Variants in EPB41L3 observed in about 807,000 individuals in gnomAD.
The protein encoded by EPB41L3 is erythrocyte membrane protein band 4.1 like 3, also known as band 4.1-like protein 3.
Under a neutral mutation model 127.1 loss-of-function variants are expected in EPB41L3, and 57 were observed. The observed-to-expected ratio is 0.45, with a 90% CI of 0.36 to 0.56. The LOEUF is 0.56. EPB41L3 is among the 20% of genes least tolerant of loss of function. The pLI is 0.00. For missense variants in EPB41L3, 1,273 were observed against 1,372.2 expected (o/e 0.93, Z 1.14); for synonymous variants, 572 against 549.5 (o/e 1.04, Z -0.57).
intron 16 of EPB41L3, chr18:5,399,191 G>C (rs1296254221): frequency 1.0e-5 from 4 of 399,002 alleles, no homozygotes; most frequent in Middle Eastern, 6.3e-4. Flanking sequence ...TCTGTTTGCT[G>C]TCTTCTTTCA....
At chr18:5,548,448 A>G (rs1435959702), upstream of EPB41L3, among the ~76,000 whole-genome samples, 3 of 152,366 alleles carry the variant, frequency 2.0e-5, no homozygotes, top group South Asian at 6.2e-4. Flanking sequence ...AAAAGTATAC[A>G]TAAGATGGAG....
intron 1 of EPB41L3, among the ~76,000 whole-genome samples, chr18:5,499,829 G>GTGTATATATATATATATATATATATA (rs563662904): frequency 8.0e-6 from 1 of 124,612 alleles, no homozygotes; most frequent in African/African-American, 3.1e-5. Flanking sequence ...CTATGTGTGT[G>GTGTATATATATATATATATATATATA]TATATATATA....
intron 1 of EPB41L3, among the ~76,000 whole-genome samples, chr18:5,504,584 T>C (rs1011641070): frequency 6.6e-6 from 1 of 152,158 alleles, no homozygotes; most frequent in Non-Finnish European, 1.5e-5. Flanking sequence ...TGAGAAACAC[T>C]GGTTGGAAAA....
At chr18:5,438,145 G>C in intron 5 of EPB41L3, 35 bp from the exon 6 acceptor site, 2 of 1,597,308 alleles carry the variant, frequency 1.3e-6, no homozygotes, top group Non-Finnish European at 1.7e-6. Flanking sequence ...GTAAAACCTT[G>C]AGAAATTCTT....
At chr18:5,439,661 C>T (rs920234523) in intron 5 of EPB41L3, among the ~76,000 whole-genome samples, 1 of 152,156 alleles carries the variant, frequency 6.6e-6, no homozygotes, top group Non-Finnish European at 1.5e-5. Flanking sequence ...ATCTGTCAGT[C>T]AAACACATTT....
chr18:5,547,230 A>G (rs796522494), upstream of EPB41L3, among the ~76,000 whole-genome samples: 2 of 152,256 alleles, frequency 1.3e-5, no homozygotes, highest in African/African-American at 4.8e-5. Context: ...CCCTCTCACT[A>G]CCAAAAATAA....
chr18:5,610,614 C>T (rs2094714768), intron 3 of EPB41L3, among the ~76,000 whole-genome samples: 1 of 152,068 alleles, frequency 6.6e-6, no homozygotes, highest in Non-Finnish European at 1.5e-5. Context: ...CTTAGGCTGA[C>T]TCAAAATAAT....
intron 1 of EPB41L3, among the ~76,000 whole-genome samples, chr18:5,618,091 C>T (rs984938358): frequency 3.3e-5 from 5 of 152,174 alleles, no homozygotes; most frequent in Admixed American, 3.3e-4. Flanking sequence ...TTAATCTCTT[C>T]TCTCCGGGCA....
In EPB41L3 at chr18:5,543,784, C is replaced by T; in HGVS notation, c.-12+129G>A. ...GCGGGGCTCGGGATTCGGGAGACCG[C>T]GCGGCGCCGAAGCCACGCGTCAGCC... On this transcript the variant is annotated intron_variant, in intron 1 of 22. Transcript: ENST00000341928. The surrounding 1 kb of genome is among the most constrained non-coding windows in gnomAD (Gnocchi z 5.2). 1 of 746,212 alleles carries T rather than the reference C, an allele frequency of 1.3e-6. No individual in the cohort carries two copies. 46.2% of individuals were successfully genotyped at this position (746,212 alleles called of 1,614,324 possible). A position where few individuals can be genotyped will look rare whatever the true frequency, so the allele number is the denominator to read the frequency against.
intron 16 of EPB41L3, chr18:5,401,073 A>T (rs2074420464): frequency 2.1e-6 from 3 of 1,439,728 alleles, no homozygotes; most frequent in Non-Finnish European, 2.8e-6. Flanking sequence ...TGGGTTGGAG[A>T]AGAGGAAGTA....
intron 3 of EPB41L3, among the ~76,000 whole-genome samples, chr18:5,554,001 C>T (rs997482780): frequency 2.0e-5 from 3 of 152,208 alleles, no homozygotes; most frequent in Non-Finnish European, 4.4e-5. Context: ...GCACTCTCAC[C>T]GTCAGCTTTG....
intron 1 of EPB41L3, among the ~76,000 whole-genome samples, chr18:5,511,584 G>A (rs942527102): frequency 6.6e-6 from 1 of 151,752 alleles, no homozygotes; most frequent in Admixed American, 6.6e-5. Context: ...GCTTTTTAGG[G>A]TCTCTTATTT....
intron 3 of EPB41L3, among the ~76,000 whole-genome samples, chr18:5,580,912 T>C (rs1719933): frequency 0.38 from 58,180 of 152,090 alleles, 12,210 homozygotes; most frequent in Non-Finnish European, 0.47. Flanking sequence ...CCAGCATTTG[T>C]GTTTGCAGCA....
intron 3 of EPB41L3, among the ~76,000 whole-genome samples, chr18:5,573,354 TTTAAAAAA>T (rs2094303511): frequency 6.6e-6 from 1 of 152,178 alleles, no homozygotes; most frequent in African/African-American, 2.4e-5. Context: ...CATGAGGAAT[TTTAAAAAA>T]TTGCCTTGGC....
Position 5,416,225 on chromosome 18 carries a change from G to A in EPB41L3, c.1660C>T (p.Pro554Ser), listed in dbSNP as rs768620034. 6.2e-6 allele frequency: 10 copies of A among 1,614,134 alleles called. No individual in the cohort carries two copies. The highest frequency in any genetic ancestry group is 8.5e-6 in the Non-Finnish European group (10 of 1,180,028). The change falls in exon 13 of 23, where the codon CCC (proline) becomes TCC (serine). Residue 554 changes from proline to serine, a missense_variant. By Grantham distance (74) the Pro-to-Ser change is moderately conservative (BLOSUM62 -1). Transcript: ENST00000341928. ...CCTGGGCCATCAGAGTCCAAGGCGG[G>A]CTCTCCAGGCAGGTGCTCAGCTCTG... The part of the protein sequence containing the change: ...PSRAEHLPGE[P>S]ALDSDGPGRP...
At chr18:5,629,523 G>C (rs756129212), upstream of EPB41L3, among the ~76,000 whole-genome samples, 5 of 152,274 alleles carry the variant, frequency 3.3e-5, no homozygotes, top group South Asian at 2.1e-4. Flanking sequence ...AAGCAGGAAA[G>C]CAGGGGCTGA....
rs180771862 is a variant in EPB41L3 at position 5,617,532 on chromosome 18, A to G, written c.-467-3109T>C. On this transcript the variant is annotated intron_variant, in intron 1 of 21. Transcript: ENST00000545076. ...ACGGGGTTTCACCGTTTTAGCCGGG[A>G]TGGTCTCGATCTCCTGACCTCGCGA... is the stretch of plus-strand genomic sequence containing the variant. Among the ~76,000 whole-genome samples, 475 of 152,056 alleles carry G rather than the reference A, an allele frequency of 3.1e-3. 3 individuals are homozygous for G. The East Asian group carries it at 0.042, about 13-fold the overall frequency.
chr18:5,472,031 A>G (rs2086237347), intron 3 of EPB41L3, among the ~76,000 whole-genome samples: 1 of 152,080 alleles, frequency 6.6e-6, no homozygotes, highest in South Asian at 2.1e-4. Flanking sequence ...CCTACTGTTT[A>G]TATTTCTTGA....
intron 1 of EPB41L3, among the ~76,000 whole-genome samples, chr18:5,528,345 T>TA (rs1372018161): frequency 6.6e-6 from 1 of 151,832 alleles, no homozygotes; most frequent in Non-Finnish European, 1.5e-5. Flanking sequence ...CTAATTTTTT[T>TA]AAAAAATTTT....
Sources: allele counts gnomAD v4.1 joint callset (sites outside exome capture counted in the v4.1 genomes callset), GRCh38; gene constraint gnomAD v4.1.1; non-coding constraint Gnocchi (gnomAD v3.1); transcripts MANE v1.5; gene names NCBI Gene and HGNC (gene_info 2026-07-23, HGNC 2026-07-21).